The following GIGYF2 variants were observed in gnomAD, a reference collection of about 807,000 sequenced individuals.
GIGYF2 encodes GRB10-interacting GYF protein 2.
GIGYF2 carries 25 observed loss-of-function variants against 208.1 expected under a neutral mutation model. That is an observed-to-expected ratio of 0.12 (90% CI 0.09 to 0.17). The LOEUF is 0.17. Among genes scored for constraint, GIGYF2 ranks in the 10% least tolerant of loss-of-function variants. GIGYF2 has a pLI of 1.00. For missense variants in GIGYF2, 1,302 were observed against 1,579.4 expected (o/e 0.82, Z 2.98); for synonymous variants, 534 against 543.8 (o/e 0.98, Z 0.25).
At chr2:232,770,157 A>C (rs764349639) in intron 8 of GIGYF2, among the ~76,000 whole-genome samples, 2 of 152,200 alleles carry the variant, frequency 1.3e-5, no homozygotes, top group Non-Finnish European at 2.9e-5. Context: ...TTGGTAGCAC[A>C]CTGGGATTTC....
rs1198785414 is a variant in GIGYF2, at chr2:232,787,285, C to G, written c.668C>G (p.Ala223Gly). The change falls in exon 9 of 29, where the codon GCT (alanine) becomes GGT (glycine). Residue 223 changes from alanine to glycine, a missense_variant. Transcript: ENST00000373563. ...GATGAAGATGGAGGTTGGCGACTAG[C>G]TGGATCAAGGAGGGATGGAGAGAGG... ...GEDEDGGWRL[A>G]GSRRDGERWR... 6.2e-7 allele frequency: 1 copy of G among 1,614,052 alleles called. No homozygotes were observed.
At chr2:232,855,172 T>C (rs563940643) in intron 28 of GIGYF2, among the ~76,000 whole-genome samples, 1 of 149,880 alleles carries the variant, frequency 6.7e-6, no homozygotes, top group African/African-American at 2.5e-5. Flanking sequence ...CTAAAATCTC[T>C]GCCTCCTGGG....
intron 22 of GIGYF2, among the ~76,000 whole-genome samples, chr2:232,836,743 A>G (rs1215233712): frequency 6.6e-6 from 1 of 152,056 alleles, no homozygotes; most frequent in Non-Finnish European, 1.5e-5. Flanking sequence ...GCAGCCTCCT[A>G]CAGTTTAGCC....
Position 232,806,687 on chromosome 2 carries a change from A to T in GIGYF2, c.1806+30A>T, listed in dbSNP as rs536087440. The T allele has an allele frequency of 1.3e-6, 2 of 1,489,918 alleles. No individual in the cohort carries two copies. Among genetic ancestry groups the T allele is most frequent in the African/African-American group, 1.4e-5 (1 of 72,604 alleles). The allele number at this position is 1,489,918 out of a possible 1,614,324, so 92.3% of individuals were successfully genotyped here. The stretch of plus-strand genomic sequence containing the variant: ...GTACCTTTCACCTCACCTGGAATAC[A>T]TATTAGTCACGGAAACACTTGATTC... On this transcript the variant is annotated intron_variant, in intron 15 of 28. Transcript: ENST00000373563. The surrounding 1 kb of genome is among the most constrained non-coding windows in gnomAD (Gnocchi z 4.0).
At position 232,791,135 on chromosome 2, in the gene GIGYF2, A is replaced by G. The variant is rs747078894; in HGVS notation, c.1058A>G (p.Lys353Arg). Residue 353 changes from lysine to arginine, a missense_variant, in exon 11 of 29, where the codon AAG becomes AGG. Lys to Arg is a conservative substitution (Grantham distance 26). Coordinates refer to ENST00000373563, the MANE Select transcript of GIGYF2 (RefSeq NM_001103146.3). ...GCCAAAGAACCCGATAAGACAAATAAGAAAGAAGGAGAGAAAACAGATAGA... is the reference window on the plus strand; with the variant it reads ...GCCAAAGAACCCGATAAGACAAATAGGAAAGAAGGAGAGAAAACAGATAGA... ...EEAKEPDKTN[K>R]KEGEKTDRVG... 2 of 1,614,096 alleles carry G rather than the reference A, an allele frequency of 1.2e-6. No individual in the cohort carries two copies. The highest frequency in any genetic ancestry group is 1.7e-6 in the Non-Finnish European group (2 of 1,180,006).
At chr2:232,765,463 A>G (rs1208807694) in intron 8 of GIGYF2, 1 of 152,492 alleles carries the variant, frequency 6.6e-6, no homozygotes, top group African/African-American at 2.4e-5. Flanking sequence ...GGGTAGAATT[A>G]CAGACATCTT....
chr2:232,768,105 G>C, intron 8 of GIGYF2: 1 of 1,379,386 alleles, frequency 7.2e-7, no homozygotes, highest in Non-Finnish European at 1.0e-6. Context: ...AATTAGCATT[G>C]AAAAAAGAAA....
chr2:232,710,791 C>G (rs990804546), intron 2 of GIGYF2, among the ~76,000 whole-genome samples: 10 of 150,724 alleles, frequency 6.6e-5, no homozygotes, highest in South Asian at 4.2e-4. Flanking sequence ...CCTCCGTCTC[C>G]TGGGTTCAAG....
intron 2 of GIGYF2, among the ~76,000 whole-genome samples, chr2:232,711,490 A>G (rs930568451): frequency 2.0e-5 from 3 of 151,598 alleles, no homozygotes; most frequent in African/African-American, 7.2e-5. Context: ...AACTCATTAC[A>G]TGCTAACATA....
Position 232,796,161 on chromosome 2 carries a change from C to CGA in GIGYF2, c.1579_1580insGA (p.Pro527ArgfsTer3). On this transcript the variant is annotated frameshift_variant, in exon 14 of 29. Coordinates refer to ENST00000373563, the MANE Select transcript of GIGYF2 (RefSeq NM_001103146.3). LOFTEE classifies it high-confidence loss of function. The stretch of plus-strand genomic sequence containing the variant: ...GCACAGAGCTAAAGGAGTGTCGATT[C>CGA]CATTGATGCATGAAGCAATGCAGAA... 6.2e-7 allele frequency: 1 copy of CGA among 1,600,384 alleles called. No individual in the cohort carries two copies. Among genetic ancestry groups the CGA allele is most frequent in the Non-Finnish European group, 8.6e-7 (1 of 1,167,504 alleles).
chr2:232,802,809 T>G (rs764388938), intron 14 of GIGYF2, among the ~76,000 whole-genome samples: 1 of 152,210 alleles, frequency 6.6e-6, no homozygotes, highest in Non-Finnish European at 1.5e-5. Context: ...GGAAAAAGTT[T>G]GAGAAGGATT....
At chr2:232,830,905 G>A (rs944455437) in intron 21 of GIGYF2, among the ~76,000 whole-genome samples, 3 of 152,304 alleles carry the variant, frequency 2.0e-5, no homozygotes, top group African/African-American at 7.2e-5. Flanking sequence ...TCTTGGCTAT[G>A]ACAGTTTCTT....
chr2:232,820,130 C>A, intron 21 of GIGYF2, 145 bp downstream of exon 21: 1 of 759,212 alleles, frequency 1.3e-6, no homozygotes. Flanking sequence ...GCTCTTATTA[C>A]TTCTGTCTAA....
At chr2:232,706,945 CAAAA>C (rs10612508) in intron 2 of GIGYF2, among the ~76,000 whole-genome samples, 147 of 109,470 alleles carry the variant, frequency 1.3e-3, no homozygotes, top group African/African-American at 4.3e-3. Context: ...GACCTTGTCT[CAAAA>C]AAAAAAAAAA....
chr2:232,737,417 T>A (rs868523647), intron 3 of GIGYF2, among the ~76,000 whole-genome samples: 1 of 152,084 alleles, frequency 6.6e-6, no homozygotes, highest in Non-Finnish European at 1.5e-5. Flanking sequence ...TTGCAGACAT[T>A]AGAGCTTAGG....
intron 8 of GIGYF2, among the ~76,000 whole-genome samples, chr2:232,772,984 G>A (rs374742816): frequency 2.6e-5 from 4 of 152,030 alleles, no homozygotes; most frequent in African/African-American, 9.7e-5. Context: ...AACATTTATT[G>A]GTGATTAGAG....
chr2:232,757,671 T>C (rs755845789), intron 6 of GIGYF2, among the ~76,000 whole-genome samples: 3 of 151,958 alleles, frequency 2.0e-5, no homozygotes, highest in Non-Finnish European at 4.4e-5. Context: ...TTGCCTCCAG[T>C]GCTTTTCAGG....
At chr2:232,760,154 A>G (rs889061124) in intron 6 of GIGYF2, 1 of 192,732 alleles carries the variant, frequency 5.2e-6, no homozygotes, top group Non-Finnish European at 1.1e-5. Context: ...TATTTAATCT[A>G]CGGTAGTGTT....
Position 232,742,014 on chromosome 2 carries a change from C to T in GIGYF2, c.42-5601C>T, listed in dbSNP as rs1697985524. On this transcript the variant is annotated intron_variant, in intron 3 of 28. Transcript: ENST00000373563. ...CCTTATTCTTCCTTTCTCCTTCCCACTTAACATCTCCTTCCTAGCACCTCT... is the reference window on the plus strand; with the variant it reads ...CCTTATTCTTCCTTTCTCCTTCCCATTTAACATCTCCTTCCTAGCACCTCT... Among the ~76,000 whole-genome samples the T allele has an allele frequency of 2.7e-5, 4 of 146,954 alleles. 1 individual carries two copies. In the South Asian group the frequency reaches 8.3e-4, roughly 31 times the overall value.
Sources: allele counts gnomAD v4.1 joint callset (sites outside exome capture counted in the v4.1 genomes callset), GRCh38; gene constraint gnomAD v4.1.1; non-coding constraint Gnocchi (gnomAD v3.1); transcripts MANE v1.5; gene names NCBI Gene and HGNC (gene_info 2026-07-23, HGNC 2026-07-21).